The following PCLO variants were observed in gnomAD, a reference collection of about 807,000 sequenced individuals.
The protein encoded by PCLO is protein piccolo.
In PCLO, 82 loss-of-function variants were observed where a neutral mutation model predicts 427.5. The ratio of observed to expected loss-of-function variants is 0.19; its 90% CI spans 0.16 to 0.23. The LOEUF (loss-of-function observed/expected upper bound fraction) is 0.23. Ranked by LOEUF, PCLO falls within the 10% of genes least tolerant of loss-of-function variation. The probability of loss-of-function intolerance (pLI) is 1.00; values close to 1 mark genes in which losing one functional copy is unlikely to be tolerated. For missense variants in PCLO, 6,239 were observed against 6,115.9 expected (o/e 1.02, Z -0.67); for synonymous variants, 2,357 against 2,155.4 (o/e 1.09, Z -2.59).
At chr7:82,903,301 G>A (rs572944852) in intron 8 of PCLO, among the ~76,000 whole-genome samples, 5 of 151,842 alleles carry the variant, frequency 3.3e-5, no homozygotes, top group Admixed American at 3.3e-4. Context: ...TAAACTAGAC[G>A]CAGAGACTAA....
intron 22 of PCLO, among the ~76,000 whole-genome samples, chr7:82,766,683 G>A (rs1790538099): frequency 6.6e-6 from 1 of 152,062 alleles, no homozygotes; most frequent in South Asian, 2.1e-4. Context: ...ATAGGTCATA[G>A]TCTTCCATTA....
chr7:83,131,271 A>G (rs376431881), intron 3 of PCLO, among the ~76,000 whole-genome samples: 4 of 152,336 alleles, frequency 2.6e-5, no homozygotes, highest in East Asian at 3.9e-4. Flanking sequence ...TCAATCAGTT[A>G]AACAGTAAGG....
At chr7:82,891,894 A>C (rs1793776214) in intron 9 of PCLO, among the ~76,000 whole-genome samples, 1 of 152,122 alleles carries the variant, frequency 6.6e-6, no homozygotes, top group African/African-American at 2.4e-5. Context: ...AAGAACTACA[A>C]ACTACTGCTC....
chr7:82,965,793 A>G lies in PCLO; in HGVS notation c.3995T>C (p.Val1332Ala). 6.2e-7 allele frequency: 1 copy of G among 1,605,258 alleles called. No homozygotes were observed. The highest frequency in any genetic ancestry group is 1.1e-5 in the South Asian group (1 of 89,346). ...QPPCTAKPDQ[V>A]EPGKEKTEKE... ...TACTGTTTTTTCTTTCCCAGGTTCC[A>G]CCTGATCAGGTTTTGCTGTGCATGG... Residue 1332 changes from valine to alanine, a missense_variant, in exon 4 of 25, where the codon GTG becomes GCG. By Grantham distance (64) the Val-to-Ala change is moderately conservative. Coordinates refer to ENST00000333891, the MANE Select transcript of PCLO (RefSeq NM_033026.6).
chr7:82,883,072 A>T (rs1562835333), intron 9 of PCLO, among the ~76,000 whole-genome samples: 1 of 152,118 alleles, frequency 6.6e-6, no homozygotes, highest in Non-Finnish European at 1.5e-5. Flanking sequence ...CGGAAAGCAA[A>T]ATTGGTATTA....
At chr7:83,147,738 GTTAAT>G (rs1294062501) in intron 2 of PCLO, among the ~76,000 whole-genome samples, 1 of 152,044 alleles carries the variant, frequency 6.6e-6, no homozygotes, top group Non-Finnish European at 1.5e-5. Flanking sequence ...TTATACCAGT[GTTAAT>G]TTTAGTTATA....
At chr7:82,848,653 AAATT>A (rs1792569708) in intron 10 of PCLO, among the ~76,000 whole-genome samples, 1 of 152,116 alleles carries the variant, frequency 6.6e-6, no homozygotes, top group Non-Finnish European at 1.5e-5. Flanking sequence ...TGCCTATGTG[AAATT>A]ACCTATTGAT....
At chr7:82,817,874 T>C (rs1187327800) in intron 20 of PCLO, among the ~76,000 whole-genome samples, 1 of 152,174 alleles carries the variant, frequency 6.6e-6, no homozygotes, top group Non-Finnish European at 1.5e-5. Flanking sequence ...TATTTCTAAA[T>C]TTAAAACTCA....
chr7:83,036,935 G>A (rs902158358), intron 3 of PCLO, among the ~76,000 whole-genome samples: 1 of 152,010 alleles, frequency 6.6e-6, no homozygotes, highest in South Asian at 2.1e-4. Context: ...TAGCATTAAT[G>A]ATTTATGGGA....
At chr7:82,964,730 G>T (rs1052868286) in intron 4 of PCLO, among the ~76,000 whole-genome samples, 2 of 152,134 alleles carry the variant, frequency 1.3e-5, no homozygotes, top group African/African-American at 4.8e-5. Flanking sequence ...GCGGTGGCTA[G>T]ATTCAGTCAT....
rs78142680 is a variant in PCLO at position 82,799,289 on chromosome 7, G to A, written c.15007+2229C>T. ...CAACAAACATTCTCTAAGCAACTCT[G>A]TGGGCAAGGCTGTCTGCTAAGTGCT... On this transcript the variant is annotated intron_variant, in intron 22 of 24. Transcript: ENST00000333891. Among the ~76,000 whole-genome samples, 1,282 of 152,308 alleles carry A rather than the reference G, an allele frequency of 8.4e-3. 6 individuals carry two copies. Among genetic ancestry groups the A allele is most frequent in the Non-Finnish European group, 0.014 (925 of 68,022 alleles).
chr7:83,016,920 C>T (rs1440910083), intron 3 of PCLO, among the ~76,000 whole-genome samples: 1 of 151,994 alleles, frequency 6.6e-6, no homozygotes, highest in African/African-American at 2.4e-5. Flanking sequence ...AATTCAAATG[C>T]CTTATGTAGT....
intron 9 of PCLO, among the ~76,000 whole-genome samples, chr7:82,896,615 C>T (rs906656597): frequency 6.6e-6 from 1 of 151,476 alleles, no homozygotes; most frequent in African/African-American, 2.4e-5. Flanking sequence ...TTGATTTGTA[C>T]ACTAACAATA....
Position 83,067,711 on chromosome 7 carries a change from T to C in PCLO, c.3300+66539A>G, listed in dbSNP as rs534198344. On this transcript the variant is annotated intron_variant, in intron 3 of 24. Transcript: ENST00000333891. ...GATCCATATCTTTCCTTGTTTAACA[T>C]GACTTGTTTTGTTATATTTTCATTT... is the stretch of plus-strand genomic sequence containing the variant. Among the ~76,000 whole-genome samples, 133 of 152,356 alleles carry C rather than the reference T, an allele frequency of 8.7e-4. 2 individuals carry two copies. Among genetic ancestry groups the C allele is most frequent in the African/African-American group, 3.1e-3 (128 of 41,590 alleles).
Position 82,915,928 on chromosome 7 carries a change from T to C in PCLO, c.12058A>G (p.Ser4020Gly), listed in dbSNP as rs201095081. The change falls in exon 7 of 25, where the codon AGC becomes GGC. Residue 4020 changes from serine (S) to glycine (G), a missense_variant. By Grantham distance (56) the Ser-to-Gly change is moderately conservative. Coordinates refer to ENST00000333891, the MANE Select transcript of PCLO (RefSeq NM_033026.6). Reference sequence around the variant, plus strand: ...CTTGATATTGGACTGCTTGCCATGCTACTTCTTTCCTCCAAACCTATTCTC... The same window carrying C: ...CTTGATATTGGACTGCTTGCCATGCCACTTCTTTCCTCCAAACCTATTCTC... ...DLRIGLEERSSMASSPISSIS... is the reference protein window; with the variant it reads ...DLRIGLEERSGMASSPISSIS... 1.2e-4 allele frequency: 194 copies of C among 1,613,340 alleles called. No homozygotes were observed. The African/African-American group carries it at 2.2e-3, about 18-fold the overall frequency.
At chr7:83,053,481 T>A (rs147498108) in intron 3 of PCLO, among the ~76,000 whole-genome samples, 19 of 151,722 alleles carry the variant, frequency 1.3e-4, no homozygotes, top group African/African-American at 4.4e-4. Context: ...AAGAAAAGAA[T>A]GGAGGAAGGA....
intron 10 of PCLO, among the ~76,000 whole-genome samples, chr7:82,854,191 G>A (rs1415233534): frequency 6.6e-6 from 1 of 151,860 alleles, no homozygotes; most frequent in Non-Finnish European, 1.5e-5. Flanking sequence ...GGGTGCCAAT[G>A]GTGTCCCCCT....
Position 82,820,801 on chromosome 7 carries a change from A to C in PCLO, c.14791+1694T>G, listed in dbSNP as rs1791772797. 3 of 1,230,808 alleles carry C rather than the reference A, an allele frequency of 2.4e-6. No homozygotes were observed. The South Asian group carries it at 1.2e-4, about 51-fold the overall frequency. The allele number at this position is 1,230,808 out of a possible 1,614,324, so 76.2% of individuals were successfully genotyped here. A position where few individuals can be genotyped will look rare whatever the true frequency, so the allele number is the denominator to read the frequency against. The stretch of plus-strand genomic sequence containing the variant: ...TTTTATCACAATGAAACATATTTAT[A>C]GTCATGCTTGAACAGATTAGGTTAG... On this transcript the variant is annotated intron_variant, in intron 20 of 24. Transcript: ENST00000333891.
At chr7:83,047,823 C>G (rs1039760431) in intron 3 of PCLO, among the ~76,000 whole-genome samples, 1 of 151,754 alleles carries the variant, frequency 6.6e-6, no homozygotes, top group Admixed American at 6.6e-5. Context: ...TGATATGAAC[C>G]CAGGTTTGTT....
Sources: gnomAD v4.1 joint callset for allele counts (sites outside exome capture counted in the v4.1 genomes callset) on GRCh38, gnomAD v4.1.1 for gene constraint, MANE v1.5 for transcripts, NCBI Gene and HGNC (gene_info 2026-07-23, HGNC 2026-07-21) for gene names.